The following CRACD variants were observed in gnomAD, a reference collection of about 807,000 sequenced individuals.
The protein encoded by CRACD is capping protein-inhibiting regulator of actin dynamics.
CRACD carries 56 observed loss-of-function variants against 106.8 expected under a neutral mutation model. The ratio of observed to expected loss-of-function variants is 0.52; its 90% confidence interval spans 0.42 to 0.66. The LOEUF (loss-of-function observed/expected upper bound fraction) is 0.66. CRACD is among the 30% of genes least tolerant of loss of function. The pLI, the probability that CRACD is intolerant of heterozygous loss-of-function variation, is 0.00. For missense variants in CRACD, 1,730 were observed against 1,623.2 expected, an observed-to-expected ratio of 1.07 and a Z score of -1.13; for synonymous variants, 754 against 670.8, an observed-to-expected ratio of 1.12 and a Z score of -1.92.
At chr4:56,201,866 T>G (rs981513810) in intron 2 of CRACD, among the ~76,000 whole-genome samples, 2 of 152,184 alleles carry the variant, frequency 1.3e-5, no homozygotes, top group African/African-American at 4.8e-5. Context: ...GGAATACCAC[T>G]CTTAAGAACT....
chr4:56,225,584 C>T (rs1023336474), intron 2 of CRACD, among the ~76,000 whole-genome samples: 5 of 152,036 alleles, frequency 3.3e-5, no homozygotes, highest in Admixed American at 6.6e-5. Flanking sequence ...CCCAAGTACC[C>T]CTTATTCTTT....
At chr4:56,275,992 T>C (rs1372296451) in intron 3 of CRACD, among the ~76,000 whole-genome samples, 1 of 152,194 alleles carries the variant, frequency 6.6e-6, no homozygotes, top group East Asian at 1.9e-4. Context: ...ATTCTAGAAA[T>C]GTTCCCATGA....
At chr4:56,161,482 C>T (rs1167928814) in intron 1 of CRACD, among the ~76,000 whole-genome samples, 1 of 151,924 alleles carries the variant, frequency 6.6e-6, no homozygotes, top group Admixed American at 6.6e-5. Flanking sequence ...GATGGAGTCT[C>T]ACTATGTCAC....
chr4:56,215,464 T>C (rs1738628914), intron 2 of CRACD, among the ~76,000 whole-genome samples: 1 of 152,252 alleles, frequency 6.6e-6, no homozygotes, highest in Admixed American at 6.5e-5. Context: ...CATAAATATT[T>C]AATCCATTGC....
chr4:56,216,840 C>T (rs968076669), intron 2 of CRACD, among the ~76,000 whole-genome samples: 2 of 150,756 alleles, frequency 1.3e-5, no homozygotes, highest in East Asian at 2.0e-4. Flanking sequence ...ATTAGCCGGG[C>T]GCGGTGGCGG....
chr4:56,088,821 G>A (rs1337541617), intron 1 of CRACD, among the ~76,000 whole-genome samples: 1 of 152,134 alleles, frequency 6.6e-6, no homozygotes, highest in South Asian at 2.1e-4. Flanking sequence ...TGCCTCCCGG[G>A]TTCAAGCAAT....
At chr4:56,078,186 A>G (rs998378363) in intron 1 of CRACD, among the ~76,000 whole-genome samples, 6 of 152,090 alleles carry the variant, frequency 3.9e-5, no homozygotes, top group Non-Finnish European at 8.8e-5. Flanking sequence ...TTTCTTTTTA[A>G]GAATTTCCTT....
intron 2 of CRACD, among the ~76,000 whole-genome samples, chr4:56,209,202 G>A (rs997445473): frequency 2.0e-5 from 3 of 152,088 alleles, no homozygotes; most frequent in South Asian, 2.1e-4. Flanking sequence ...TTATAATCTC[G>A]TACAATTAAA....
intron 1 of CRACD, among the ~76,000 whole-genome samples, chr4:56,062,521 A>C (rs1732314127): frequency 6.6e-6 from 1 of 152,198 alleles, no homozygotes; most frequent in South Asian, 2.1e-4. Context: ...TTTATGTGAG[A>C]TACCAGGTTG....
intron 2 of CRACD, among the ~76,000 whole-genome samples, chr4:56,199,103 A>G (rs947171000): frequency 6.6e-6 from 1 of 152,122 alleles, no homozygotes; most frequent in Admixed American, 6.5e-5. Flanking sequence ...CGAGTTCTTT[A>G]GGAGTGGTCT....
At chr4:56,138,760 A>C (rs904359534) in intron 1 of CRACD, among the ~76,000 whole-genome samples, 1 of 152,196 alleles carries the variant, frequency 6.6e-6, no homozygotes. Context: ...TTATGACCCT[A>C]CCTAAGACTA....
intron 2 of CRACD, among the ~76,000 whole-genome samples, chr4:56,226,278 A>T (rs963340330): frequency 5.3e-5 from 8 of 152,130 alleles, no homozygotes; most frequent in African/African-American, 1.7e-4. Context: ...ATCTCATTAG[A>T]TGGGCACATT....
intron 1 of CRACD, among the ~76,000 whole-genome samples, chr4:56,080,684 G>C (rs772138302): frequency 1.3e-5 from 2 of 152,166 alleles, no homozygotes; most frequent in African/African-American, 4.8e-5. Flanking sequence ...GTGATAGCTT[G>C]CCAACTCATT....
chr4:56,277,036 A>G (rs1742714316), intron 3 of CRACD, among the ~76,000 whole-genome samples: 1 of 152,208 alleles, frequency 6.6e-6, no homozygotes. Context: ...GACATGGAGT[A>G]GCTGAGAGGG....
At chr4:56,055,310 A>G (rs914349816) in intron 1 of CRACD, among the ~76,000 whole-genome samples, 2 of 152,014 alleles carry the variant, frequency 1.3e-5, no homozygotes, top group African/African-American at 2.4e-5. Flanking sequence ...AATCTAGGAT[A>G]AGCCGGATTC....
At chr4:56,278,270 T>C (rs114005585) in intron 3 of CRACD, among the ~76,000 whole-genome samples, 178 of 152,300 alleles carry the variant, frequency 1.2e-3, no homozygotes, top group Admixed American at 3.7e-3. Context: ...ACTACAAAGC[T>C]GCAGTAATCT....
At chr4:56,289,688 CAAA>C (rs36017998) in intron 3 of CRACD, among the ~76,000 whole-genome samples, 10 of 122,378 alleles carry the variant, frequency 8.2e-5, no homozygotes, top group African/African-American at 2.7e-4. Context: ...GACTCTGTCT[CAAA>C]AAAAAAAAAA....
In CRACD at chr4:56,314,673, G is replaced by A. The variant is rs1745432370; in HGVS notation, c.1171G>A (p.Glu391Lys). The A allele has an allele frequency of 6.4e-7, 1 of 1,550,862 alleles. No individual in the cohort carries two copies. Among genetic ancestry groups the A allele is most frequent in the South Asian group, 1.2e-5 (1 of 84,062 alleles). ...GPPEALEETG[E>K]GRRGAEEEDL... Reference sequence around the variant, plus strand: ...GCCCGAGGCGTTGGAGGAGACTGGGGAGGGCCGGCGGGGCGCGGAGGAGGA... The same window carrying A: ...GCCCGAGGCGTTGGAGGAGACTGGGAAGGGCCGGCGGGGCGCGGAGGAGGA... Residue 391 changes from glutamate (E) to lysine (K), a missense_variant, in exon 8 of 11, where the codon GAG (glutamate) becomes AAG (lysine). Transcript: ENST00000682029. The surrounding 1 kb of genome is among the most constrained non-coding windows in gnomAD (Gnocchi z 4.4).
Position 56,316,218 on chromosome 4 carries a change from C to T in CRACD, c.2716C>T (p.Leu906Phe), listed in dbSNP as rs759724854. Residue 906 changes from leucine to phenylalanine, a missense_variant, in exon 8 of 11, where the codon CTC (leucine) becomes TTC (phenylalanine). By Grantham distance (22) the Leu-to-Phe change is conservative. Around this residue, in one of 5 missense-constraint regions of CRACD, gnomAD observed 1,620 missense variants for 1,481.6 expected, o/e 1.09. Transcript: ENST00000682029. The stretch of plus-strand genomic sequence containing the variant: ...TGTGGCCCTCAAGCATGGTCCATCC[C>T]TCCCCCAAGAGCGGAAGCAAGCCCC... ...EGVALKHGPS[L>F]PQERKQAPST... is the part of the protein sequence containing the mutation. 2 of 1,614,116 alleles carry T rather than the reference C, an allele frequency of 1.2e-6. No individual in the cohort carries two copies. The highest frequency in any genetic ancestry group is 1.7e-6 in the Non-Finnish European group (2 of 1,179,950).
Sources: gnomAD v4.1 joint callset for allele counts (sites outside exome capture counted in the v4.1 genomes callset) on GRCh38, gnomAD v4.1.1 for gene constraint, gnomAD v4.1.1 regional missense constraint, Gnocchi (gnomAD v3.1) non-coding constraint, MANE v1.5 for transcripts, NCBI Gene and HGNC (gene_info 2026-07-23, HGNC 2026-07-21) for gene names.